RSRC1: variants seen among roughly 807,000 people sequenced by gnomAD.
The protein encoded by RSRC1 is arginine and serine rich coiled-coil 1.
Under a neutral mutation model 49.1 loss-of-function variants are expected in RSRC1, and 39 were observed. That is an observed-to-expected ratio of 0.79 (90% CI 0.61 to 1.04). The LOEUF (loss-of-function observed/expected upper bound fraction) is 1.04. Ranked by LOEUF, RSRC1 falls within the 50% of genes least tolerant of loss-of-function variation. The pLI, the probability that RSRC1 is intolerant of heterozygous loss-of-function variation, is 0.00. For missense variants in RSRC1, 388 were observed against 402.4 expected (o/e 0.96, Z 0.31); for synonymous variants, 143 against 130.8 (o/e 1.09, Z -0.63).
At chr3:158,130,290 C>T (rs560966164) in intron 3 of RSRC1, among the ~76,000 whole-genome samples, 8 of 152,274 alleles carry the variant, frequency 5.3e-5, no homozygotes, top group African/African-American at 1.4e-4. Flanking sequence ...TCACATTGGT[C>T]ATTAGGGTTT....
chr3:158,396,336 A>G (rs1733609462), intron 6 of RSRC1, among the ~76,000 whole-genome samples: 1 of 151,974 alleles, frequency 6.6e-6, no homozygotes, highest in Non-Finnish European at 1.5e-5. Flanking sequence ...CCCTGAACCT[A>G]AAATAAAAGT....
At chr3:158,303,820 C>T (rs1727702192) in intron 5 of RSRC1, among the ~76,000 whole-genome samples, 1 of 152,096 alleles carries the variant, frequency 6.6e-6, no homozygotes, top group Non-Finnish European at 1.5e-5. Flanking sequence ...GCAAGAGTAA[C>T]AGACATTTGT....
chr3:158,509,759 T>A (rs1485990670), intron 7 of RSRC1, among the ~76,000 whole-genome samples: 1 of 152,222 alleles, frequency 6.6e-6, no homozygotes, highest in Non-Finnish European at 1.5e-5. Context: ...GATAGTACTG[T>A]CTATAGTTGT....
At chr3:158,202,562 T>TTATATATATATGTATATATATATA (rs1553768415) in intron 3 of RSRC1, among the ~76,000 whole-genome samples, 2 of 92,024 alleles carry the variant, frequency 2.2e-5, no homozygotes, top group African/African-American at 1.1e-4. Flanking sequence ...GTCTGGTAGA[T>TTATATATATATGTATATATATATA]TATATATATA....
chr3:158,476,560 T>G (rs1233830642), intron 7 of RSRC1, among the ~76,000 whole-genome samples: 6 of 152,296 alleles, frequency 3.9e-5, no homozygotes, highest in Non-Finnish European at 5.9e-5. Flanking sequence ...CACCTGTGCC[T>G]GTCCTCTATA....
chr3:158,475,034 C>T (rs1560058414), intron 7 of RSRC1, among the ~76,000 whole-genome samples: 3 of 152,100 alleles, frequency 2.0e-5, no homozygotes, highest in African/African-American at 7.2e-5. Flanking sequence ...CCTGCTTCAG[C>T]CTCTAGAGTA....
chr3:158,314,339 C>A (rs1265322292), intron 5 of RSRC1, among the ~76,000 whole-genome samples: 1 of 152,072 alleles, frequency 6.6e-6, no homozygotes, highest in African/African-American at 2.4e-5. Context: ...GTGATCCACC[C>A]ACCTCGGCCT....
intron 4 of RSRC1, among the ~76,000 whole-genome samples, chr3:158,250,562 A>G (rs1338124953): frequency 6.6e-6 from 1 of 152,190 alleles, no homozygotes; most frequent in East Asian, 1.9e-4. Flanking sequence ...CTCTCTGATG[A>G]TCAGTGATGT....
At chr3:158,283,155 A>G (rs1216767972) in intron 4 of RSRC1, among the ~76,000 whole-genome samples, 1 of 152,212 alleles carries the variant, frequency 6.6e-6, no homozygotes, top group Non-Finnish European at 1.5e-5. Flanking sequence ...AAAAAAATGT[A>G]GACAAGGTTT....
intron 6 of RSRC1, among the ~76,000 whole-genome samples, chr3:158,377,196 C>T (rs1732423681): frequency 6.6e-6 from 1 of 152,144 alleles, no homozygotes; most frequent in Non-Finnish European, 1.5e-5. Flanking sequence ...AATTTATGCC[C>T]TTAAATTTGG....
intron 4 of RSRC1, among the ~76,000 whole-genome samples, chr3:158,256,548 C>G (rs1048049891): frequency 2.0e-5 from 3 of 152,128 alleles, no homozygotes; most frequent in Non-Finnish European, 2.9e-5. Context: ...TGTTGTGTCT[C>G]TGCTAGGTTT....
intron 6 of RSRC1, among the ~76,000 whole-genome samples, chr3:158,425,202 G>C (rs370183356): frequency 5.0e-4 from 76 of 151,924 alleles, no homozygotes; most frequent in Admixed American, 3.3e-3. Context: ...TTCCTGCTTT[G>C]TCTTGTGGGC....
At chr3:158,510,708 A>T (rs1289417035) in intron 7 of RSRC1, among the ~76,000 whole-genome samples, 1 of 152,218 alleles carries the variant, frequency 6.6e-6, no homozygotes, top group Admixed American at 6.5e-5. Flanking sequence ...GTTATTGACT[A>T]TAGTTAGCCT....
chr3:158,326,137 G>A (rs376816427), intron 5 of RSRC1, among the ~76,000 whole-genome samples: 62 of 152,200 alleles, frequency 4.1e-4, no homozygotes, highest in East Asian at 3.3e-3. Flanking sequence ...GGGCTGAGAC[G>A]ATGGGGTTTT....
intron 8 of RSRC1, among the ~76,000 whole-genome samples, chr3:158,541,078 A>G (rs562369770): frequency 2.6e-5 from 4 of 152,288 alleles, no homozygotes; most frequent in Non-Finnish European, 4.4e-5. Context: ...TCTGGCCTGC[A>G]GTGTCTCACT....
chr3:158,397,978 C>T (rs1246504391), intron 6 of RSRC1, among the ~76,000 whole-genome samples: 1 of 151,830 alleles, frequency 6.6e-6, no homozygotes, highest in African/African-American at 2.4e-5. Flanking sequence ...CTTGTGATAC[C>T]GTGAGGTTGG....
intron 4 of RSRC1, among the ~76,000 whole-genome samples, chr3:158,230,269 G>A (rs192084314): frequency 1.3e-5 from 2 of 152,108 alleles, no homozygotes; most frequent in East Asian, 1.9e-4. Context: ...ATCATGTCCT[G>A]TTTAGTACAT....
intron 4 of RSRC1, among the ~76,000 whole-genome samples, chr3:158,246,921 GC>G (rs929302501): frequency 6.6e-6 from 1 of 152,052 alleles, no homozygotes; most frequent in African/African-American, 2.4e-5. Flanking sequence ...TTGAATGTTG[GC>G]CTGTCTTGCT....
At chr3:158,388,188 T>C (rs1484318964) in intron 6 of RSRC1, among the ~76,000 whole-genome samples, 1 of 151,626 alleles carries the variant, frequency 6.6e-6, no homozygotes, top group Non-Finnish European at 1.5e-5. Flanking sequence ...ATTAATATTA[T>C]ATAAAATTTT....
Sources: allele counts gnomAD v4.1 joint callset (sites outside exome capture counted in the v4.1 genomes callset), GRCh38; gene constraint gnomAD v4.1.1; transcripts MANE v1.5; gene names NCBI Gene and HGNC (gene_info 2026-07-23, HGNC 2026-07-21).